The following SPOCK1 variants were observed in gnomAD, a reference collection of about 807,000 sequenced individuals.
SPOCK1 encodes SPARC (osteonectin), cwcv and kazal like domains proteoglycan 1.
A neutral mutation model predicts 55.3 loss-of-function variants in SPOCK1; 23 were observed. That is an observed-to-expected ratio of 0.42 (90% CI 0.30 to 0.59). SPOCK1 has a LOEUF of 0.59. Ranked by LOEUF, SPOCK1 falls within the 20% of genes least tolerant of loss-of-function variation. SPOCK1 has a pLI of 0.22. For synonymous variants in SPOCK1, 226 were observed against 221.0 expected (o/e 1.02, Z -0.20); for missense variants, 499 against 552.5 (o/e 0.90, Z 0.97).
intron 4 of SPOCK1, among the ~76,000 whole-genome samples, chr5:137,135,181 G>A (rs1253531372): frequency 6.6e-6 from 1 of 152,206 alleles, no homozygotes; most frequent in African/African-American, 2.4e-5. Flanking sequence ...TACACTTGCA[G>A]AATTTGAGAA....
At chr5:137,087,799 G>A (rs1349249995) in intron 5 of SPOCK1, among the ~76,000 whole-genome samples, 3 of 152,192 alleles carry the variant, frequency 2.0e-5, no homozygotes, top group African/African-American at 7.2e-5. Context: ...AGAACATTGA[G>A]AAGGTTCAGA....
At chr5:137,393,278 T>C (rs1198066985) in intron 2 of SPOCK1, among the ~76,000 whole-genome samples, 1 of 152,132 alleles carries the variant, frequency 6.6e-6, no homozygotes, top group East Asian at 1.9e-4. Context: ...TGTCAACAGA[T>C]AGGACACAAG....
At chr5:137,438,821 C>T (rs1752919991) in intron 2 of SPOCK1, among the ~76,000 whole-genome samples, 1 of 152,184 alleles carries the variant, frequency 6.6e-6, no homozygotes, top group African/African-American at 2.4e-5. Context: ...TAGACAGACT[C>T]CCCAATCACA....
At chr5:137,223,291 A>G (rs1755890291) in intron 3 of SPOCK1, among the ~76,000 whole-genome samples, 1 of 150,106 alleles carries the variant, frequency 6.7e-6, no homozygotes, top group Non-Finnish European at 1.5e-5. Flanking sequence ...AGCCCTGTAC[A>G]TAATGTGCTA....
chr5:137,225,289 C>G (rs1412394370), intron 3 of SPOCK1, among the ~76,000 whole-genome samples: 1 of 152,032 alleles, frequency 6.6e-6, no homozygotes, highest in Non-Finnish European at 1.5e-5. Context: ...CTGAGCCTCA[C>G]TTTTATTATA....
intron 4 of SPOCK1, among the ~76,000 whole-genome samples, chr5:137,121,593 T>C (rs886770617): frequency 6.8e-6 from 1 of 147,382 alleles, no homozygotes; most frequent in African/African-American, 2.5e-5. Flanking sequence ...TTATATATTA[T>C]ATATAATATA....
chr5:137,156,154 G>C (rs913385676), intron 3 of SPOCK1, among the ~76,000 whole-genome samples: 4 of 151,060 alleles, frequency 2.6e-5, no homozygotes, highest in African/African-American at 4.8e-5. Flanking sequence ...TGGGGGAGCA[G>C]GGTAAGTGCC....
intron 2 of SPOCK1, among the ~76,000 whole-genome samples, chr5:137,457,041 C>T (rs1485904005): frequency 6.6e-6 from 1 of 152,144 alleles, no homozygotes; most frequent in Admixed American, 6.6e-5. Context: ...TGGTCTGGGG[C>T]TCTCAGTTTA....
intron 4 of SPOCK1, among the ~76,000 whole-genome samples, chr5:137,137,623 G>A (rs1754011060): frequency 6.6e-6 from 1 of 152,118 alleles, no homozygotes; most frequent in South Asian, 2.1e-4. Flanking sequence ...TGAACCAGTG[G>A]GCCCAATTAT....
chr5:137,035,666 C>G (rs754663082), intron 6 of SPOCK1, among the ~76,000 whole-genome samples: 1 of 152,116 alleles, frequency 6.6e-6, no homozygotes, highest in Non-Finnish European at 1.5e-5. Context: ...CTCATGCCCT[C>G]CCCCTTGTCA....
intron 6 of SPOCK1, among the ~76,000 whole-genome samples, chr5:137,019,018 A>C (rs904714857): frequency 2.6e-5 from 4 of 152,176 alleles, no homozygotes; most frequent in African/African-American, 9.6e-5. Context: ...AAAGTGTTTC[A>C]CTTCAATAGT....
intron 2 of SPOCK1, among the ~76,000 whole-genome samples, chr5:137,488,640 G>A (rs187640088): frequency 3.3e-5 from 5 of 152,274 alleles, no homozygotes; most frequent in African/African-American, 7.2e-5. Context: ...CGGGACAGAC[G>A]AGTACAGCTG....
At chr5:137,229,967 C>A (rs1756018129) in intron 3 of SPOCK1, among the ~76,000 whole-genome samples, 1 of 152,112 alleles carries the variant, frequency 6.6e-6, no homozygotes, top group Non-Finnish European at 1.5e-5. Context: ...GGGTAGGGGA[C>A]CCCTGCTGTA....
intron 5 of SPOCK1, among the ~76,000 whole-genome samples, chr5:137,080,195 A>G (rs1752857797): frequency 1.3e-5 from 2 of 152,212 alleles, no homozygotes; most frequent in South Asian, 4.1e-4. Flanking sequence ...AACAACATAC[A>G]TCTTACACAT....
chr5:137,157,626 T>A (rs1269186655), intron 3 of SPOCK1, among the ~76,000 whole-genome samples: 1 of 152,210 alleles, frequency 6.6e-6, no homozygotes, highest in Non-Finnish European at 1.5e-5. Flanking sequence ...ATGGTTTCTC[T>A]CTCCATAGAG....
chr5:136,981,029 A>G (rs1434824572), intron 9 of SPOCK1, among the ~76,000 whole-genome samples: 1 of 152,130 alleles, frequency 6.6e-6, no homozygotes, highest in East Asian at 1.9e-4. Flanking sequence ...ATTGTTATAA[A>G]TTGACTTATA....
chr5:137,109,462 T>C (rs1172317193), intron 5 of SPOCK1, among the ~76,000 whole-genome samples: 3 of 152,198 alleles, frequency 2.0e-5, no homozygotes, highest in Admixed American at 2.0e-4. Flanking sequence ...TTGGTAATGA[T>C]GTTTTCTGAG....
chr5:137,266,881 C>A (rs970525976), intron 3 of SPOCK1, 129 bp downstream of exon 3: 1 of 737,752 alleles, frequency 1.4e-6, no homozygotes, highest in Non-Finnish European at 2.3e-6. Context: ...CCAGTCAATT[C>A]AGTCCCCAAA....
intron 4 of SPOCK1, among the ~76,000 whole-genome samples, chr5:137,114,567 C>G (rs987318708): frequency 3.3e-5 from 5 of 152,154 alleles, no homozygotes; most frequent in African/African-American, 9.7e-5. Flanking sequence ...TCCTATTATC[C>G]TTCATCAAAC....
Sources: gnomAD v4.1 joint callset for allele counts (sites outside exome capture counted in the v4.1 genomes callset) on GRCh38, gnomAD v4.1.1 for gene constraint, MANE v1.5 for transcripts, NCBI Gene and HGNC (gene_info 2026-07-23, HGNC 2026-07-21) for gene names.